Variants in VWA3A observed in about 807,000 individuals in gnomAD.
VWA3A encodes the protein von Willebrand factor A domain containing 3A.
In VWA3A, 134 loss-of-function variants were observed where a neutral mutation model predicts 160.4. The observed-to-expected ratio is 0.84, with a 90% CI of 0.73 to 0.96. The LOEUF (loss-of-function observed/expected upper bound fraction) is 0.96, where lower values mean the gene tolerates loss of function less well. Ranked by LOEUF, VWA3A falls within the 40% of genes least tolerant of loss-of-function variation. VWA3A has a pLI of 0.00. For synonymous variants in VWA3A, 476 were observed against 543.4 expected (o/e 0.88, Z 1.72); for missense variants, 1,310 against 1,447.9 (o/e 0.90, Z 1.55).
intron 13 of VWA3A, 149 bp from the exon 14 acceptor site, chr16:22,121,365 G>T (rs1220830695): frequency 1.4e-5 from 11 of 774,586 alleles, no homozygotes; most frequent in Non-Finnish European, 1.9e-5. Flanking sequence ...AATACCTTGA[G>T]CCCAGGAGTT....
chr16:22,124,530 C>CTAT (rs10564178), intron 16 of VWA3A, among the ~76,000 whole-genome samples: 10,011 of 141,088 alleles, frequency 0.071, 390 homozygotes, highest in Middle Eastern at 0.096. Flanking sequence ...TACTATACAT[C>CTAT]TATTATTATT....
At chr16:22,106,213 C>T (rs925679104) in intron 6 of VWA3A, among the ~76,000 whole-genome samples, 15 of 151,986 alleles carry the variant, frequency 9.9e-5, no homozygotes, top group Middle Eastern at 3.4e-3. Flanking sequence ...GCTGAAACCC[C>T]GTCTCTACTA....
intron 9 of VWA3A, chr16:22,116,354 G>A (rs1334436874): frequency 2.3e-6 from 1 of 430,886 alleles, no homozygotes; most frequent in Non-Finnish European, 4.5e-6. Flanking sequence ...AAAAAGAAAA[G>A]GAAGGAAAGA....
At chr16:22,114,980 G>A (rs920961341) in intron 8 of VWA3A, among the ~76,000 whole-genome samples, 5 of 151,724 alleles carry the variant, frequency 3.3e-5, no homozygotes, top group Admixed American at 2.6e-4. Flanking sequence ...TAATTTTTTT[G>A]TATTTTTAGT....
intron 5 of VWA3A, among the ~76,000 whole-genome samples, chr16:22,101,836 GA>G (rs1324726017): frequency 6.6e-6 from 1 of 152,190 alleles, no homozygotes; most frequent in Non-Finnish European, 1.5e-5. Context: ...GTATTTTAAG[GA>G]ATGTTCAAGT....
intron 12 of VWA3A, among the ~76,000 whole-genome samples, chr16:22,120,756 G>T (rs1201188963): frequency 6.6e-6 from 1 of 152,106 alleles, no homozygotes; most frequent in Non-Finnish European, 1.5e-5. Flanking sequence ...CTGTGAGAGC[G>T]AGTTGCTGGG....
chr16:22,113,358 ATTTTCT>A (rs2045580435), intron 8 of VWA3A, among the ~76,000 whole-genome samples: 2 of 35,006 alleles, frequency 5.7e-5, no homozygotes, highest in African/African-American at 1.5e-4. Flanking sequence ...TGCCTGGCTA[ATTTTCT>A]TTTTTTTTTT....
intron 21 of VWA3A, among the ~76,000 whole-genome samples, chr16:22,135,758 C>G (rs567145106): frequency 6.6e-6 from 1 of 152,254 alleles, no homozygotes; most frequent in South Asian, 2.1e-4. Flanking sequence ...TCATGGCTTG[C>G]TCCTTATCAT....
intron 8 of VWA3A, among the ~76,000 whole-genome samples, chr16:22,115,130 G>C (rs1485325701): frequency 1.3e-5 from 2 of 152,044 alleles, no homozygotes; most frequent in East Asian, 3.9e-4. Context: ...ATAAAAATTA[G>C]CCGGGCAGGA....
chr16:22,109,437 C>A, intron 6 of VWA3A, 45 bp from the exon 7 acceptor site: 1 of 1,497,040 alleles, frequency 6.7e-7, no homozygotes, highest in Non-Finnish European at 9.1e-7. Flanking sequence ...GTAGGAGACA[C>A]ACAGACTTGC....
At chr16:22,151,734 A>T (rs2046351323) in intron 30 of VWA3A, among the ~76,000 whole-genome samples, 1 of 152,060 alleles carries the variant, frequency 6.6e-6, no homozygotes, top group South Asian at 2.1e-4. Flanking sequence ...TGTGAAAAAG[A>T]ACACATGTCA....
intron 26 of VWA3A, among the ~76,000 whole-genome samples, chr16:22,145,823 TTTTG>T (rs1460178293): frequency 1.3e-5 from 2 of 151,894 alleles, no homozygotes; most frequent in African/African-American, 2.4e-5. Context: ...TTTTGTGGGT[TTTTG>T]TTTGTTTGTT....
intron 6 of VWA3A, among the ~76,000 whole-genome samples, chr16:22,109,090 A>T (rs922445906): frequency 6.6e-6 from 1 of 151,892 alleles, no homozygotes. Context: ...TTTGATTGAT[A>T]GAGTAGGCAA....
chr16:22,148,608 A>G (rs1471427664), intron 28 of VWA3A, among the ~76,000 whole-genome samples: 1 of 152,066 alleles, frequency 6.6e-6, no homozygotes, highest in East Asian at 1.9e-4. Flanking sequence ...CCATCTCTTC[A>G]AAACATTTAA....
At chr16:22,126,086 C>G in intron 16 of VWA3A, 92 bp from the exon 17 acceptor site, 1 of 1,548,642 alleles carries the variant, frequency 6.5e-7, no homozygotes, top group South Asian at 1.2e-5. Context: ...TGCAAAATTC[C>G]CCTGGAAAAA....
chr16:22,133,197 T>G, intron 20 of VWA3A, 102 bp downstream of exon 20: 2 of 1,310,868 alleles, frequency 1.5e-6, no homozygotes, highest in East Asian at 5.1e-5. Flanking sequence ...AAGCAGCTTG[T>G]GAAAATCACA....
chr16:22,140,086 C>A, intron 22 of VWA3A, 68 bp from the exon 23 acceptor site: 1 of 1,491,194 alleles, frequency 6.7e-7, no homozygotes, highest in South Asian at 1.2e-5. Context: ...AAATTGAGGT[C>A]AGGGTAACTG....
intron 22 of VWA3A, 32 bp downstream of exon 22, chr16:22,138,544 AT>A (rs1174383960): frequency 3.1e-6 from 5 of 1,612,220 alleles, no homozygotes; most frequent in African/African-American, 1.3e-5. Flanking sequence ...CACGCAGAAG[AT>A]TTGGTTTCCT....
intron 16 of VWA3A, 38 bp from the exon 17 acceptor site, chr16:22,126,140 G>T (rs1391773439): frequency 1.2e-6 from 2 of 1,610,852 alleles, no homozygotes; most frequent in East Asian, 2.2e-5. Flanking sequence ...TTATCTCAGA[G>T]ATTCGGTTCT....
Sources: gnomAD v4.1 joint callset for allele counts (sites outside exome capture counted in the v4.1 genomes callset) on GRCh38, gnomAD v4.1.1 for gene constraint, MANE v1.5 for transcripts, NCBI Gene and HGNC (gene_info 2026-07-23, HGNC 2026-07-21) for gene names.